Variants in HS3ST4 observed in about 807,000 individuals in gnomAD.
HS3ST4 encodes heparan sulfate glucosamine 3-O-sulfotransferase 4.
A neutral mutation model predicts 29.2 loss-of-function variants in HS3ST4; 17 were observed. The ratio of observed to expected loss-of-function variants is 0.58; its 90% confidence interval spans 0.40 to 0.87. The LOEUF (loss-of-function observed/expected upper bound fraction) is 0.87, where lower values mean the gene tolerates loss of function less well. Ranked by LOEUF, HS3ST4 falls within the 40% of genes least tolerant of loss-of-function variation. The pLI is 0.00. For missense variants in HS3ST4, 627 were observed against 634.5 expected (o/e 0.99, Z 0.13); for synonymous variants, 314 against 285.7 (o/e 1.10, Z -1.00).
chr16:26,010,891 A>G (rs927954488), intron 1 of HS3ST4, among the ~76,000 whole-genome samples: 3 of 152,196 alleles, frequency 2.0e-5, no homozygotes, highest in Non-Finnish European at 2.9e-5. Context: ...ATATGAAACA[A>G]TTATCTTAAT....
At position 25,969,368 on chromosome 16, in the gene HS3ST4, G is replaced by A. The variant is rs143522581; in HGVS notation, c.735-166244G>A. Among the ~76,000 whole-genome samples the A allele has an allele frequency of 5.1e-4, 77 of 152,336 alleles. 1 individual carries two copies. The South Asian group carries it at 0.012, about 23-fold the overall frequency. ...GACAGTTTTCTCAGATCCTGGCCAC[G>A]TTGAGGATTTCAGCTTAACTGATTC... On this transcript the variant is annotated intron_variant, in intron 1 of 1. Transcript: ENST00000331351.
chr16:25,909,662 T>G (rs973804534), intron 1 of HS3ST4, among the ~76,000 whole-genome samples: 7 of 152,188 alleles, frequency 4.6e-5, no homozygotes, highest in African/African-American at 1.7e-4. Flanking sequence ...TTAACTGAGA[T>G]CCAGCGGGTT....
chr16:25,697,105 A>T (rs2141578779), intron 1 of HS3ST4, among the ~76,000 whole-genome samples: 1 of 152,322 alleles, frequency 6.6e-6, no homozygotes, highest in Admixed American at 6.5e-5. Context: ...GTGTTCATTC[A>T]TTCATTCATT....
At chr16:26,006,452 G>A (rs1969259820) in intron 1 of HS3ST4, among the ~76,000 whole-genome samples, 1 of 152,018 alleles carries the variant, frequency 6.6e-6, no homozygotes, top group Non-Finnish European at 1.5e-5. Flanking sequence ...CCCAGATAGA[G>A]CCAATTTATC....
At chr16:26,050,062 C>T in intron 1 of HS3ST4, among the ~76,000 whole-genome samples, 1 of 152,228 alleles carries the variant, frequency 6.6e-6, no homozygotes, top group Middle Eastern at 3.4e-3. Flanking sequence ...AACCATTGTC[C>T]ATTGGTGATC....
intron 1 of HS3ST4, among the ~76,000 whole-genome samples, chr16:25,728,504 C>A (rs1355538569): frequency 6.6e-6 from 1 of 152,194 alleles, no homozygotes; most frequent in African/African-American, 2.4e-5. Flanking sequence ...AGCCTGACGG[C>A]AGACCCTTCA....
chr16:26,117,974 A>G (rs1015453590), intron 1 of HS3ST4, among the ~76,000 whole-genome samples: 1 of 152,242 alleles, frequency 6.6e-6, no homozygotes, highest in African/African-American at 2.4e-5. Context: ...GACCAGTGCC[A>G]CAGAGTGTGC....
intron 1 of HS3ST4, among the ~76,000 whole-genome samples, chr16:25,873,071 T>C (rs1180299523): frequency 6.6e-6 from 1 of 152,150 alleles, no homozygotes; most frequent in African/African-American, 2.4e-5. Context: ...GCTGTGCACC[T>C]AGATTTGGCT....
At chr16:25,779,076 A>G (rs997079983) in intron 1 of HS3ST4, among the ~76,000 whole-genome samples, 5 of 152,118 alleles carry the variant, frequency 3.3e-5, no homozygotes, top group Non-Finnish European at 7.4e-5. Flanking sequence ...GCTGTGATTG[A>G]CCTGACTAAT....
At chr16:26,038,840 C>T (rs1434237624) in intron 1 of HS3ST4, among the ~76,000 whole-genome samples, 6 of 152,058 alleles carry the variant, frequency 3.9e-5, no homozygotes, top group African/African-American at 1.2e-4. Flanking sequence ...TCTGCCACCA[C>T]GCCCGGCTAA....
In HS3ST4 at chr16:25,692,963, GA is replaced by G; in HGVS notation, c.547del (p.Arg183GlyfsTer46). 1 of 1,610,812 alleles carries G rather than the reference GA, an allele frequency of 6.2e-7. No individual in the cohort carries two copies. The highest frequency in any genetic ancestry group is 8.5e-7 in the Non-Finnish European group (1 of 1,179,148). ...GRRAANGSSE[R>X]GGAVSTPDYG... ...GGAGAGCGGCCAACGGGAGCAGCGAGAGGGGCGGCGCCGTCAGCACCCCCGA... is the reference window on the plus strand; with the variant it reads ...GGAGAGCGGCCAACGGGAGCAGCGAGGGGGCGGCGCCGTCAGCACCCCCGA... On this transcript the variant is annotated frameshift_variant, in exon 1 of 2. Transcript: ENST00000331351. LOFTEE classifies it high-confidence loss of function.
intron 1 of HS3ST4, among the ~76,000 whole-genome samples, chr16:25,881,498 G>A (rs569219422): frequency 6.6e-6 from 1 of 152,292 alleles, no homozygotes; most frequent in South Asian, 2.1e-4. Flanking sequence ...GCAGTAAAGG[G>A]CACCTGGATG....
chr16:26,035,533 G>T (rs1032702247), intron 1 of HS3ST4, among the ~76,000 whole-genome samples: 1 of 152,208 alleles, frequency 6.6e-6, no homozygotes, highest in Non-Finnish European at 1.5e-5. Flanking sequence ...TTTGCACAAA[G>T]CACAAACTTA....
intron 1 of HS3ST4, among the ~76,000 whole-genome samples, chr16:25,815,303 A>C (rs944627935): frequency 5.9e-5 from 9 of 152,084 alleles, no homozygotes; most frequent in Admixed American, 6.6e-5. Flanking sequence ...GGCCCTCTAT[A>C]TACAATTTTG....
At chr16:26,023,730 G>A (rs1363770986) in intron 1 of HS3ST4, among the ~76,000 whole-genome samples, 3 of 152,080 alleles carry the variant, frequency 2.0e-5, no homozygotes, top group African/African-American at 7.2e-5. Flanking sequence ...GCATAAAGGA[G>A]CTCTCCTACC....
At chr16:25,876,133 T>G (rs1396024395) in intron 1 of HS3ST4, among the ~76,000 whole-genome samples, 1 of 152,134 alleles carries the variant, frequency 6.6e-6, no homozygotes, top group Non-Finnish European at 1.5e-5. Flanking sequence ...TTCCCACTCA[T>G]CAACTGCACT....
chr16:25,987,943 G>A (rs762324153), intron 1 of HS3ST4, among the ~76,000 whole-genome samples: 1 of 152,006 alleles, frequency 6.6e-6, no homozygotes, highest in Non-Finnish European at 1.5e-5. Flanking sequence ...GCTAATTTTT[G>A]CACTTTTAAT....
intron 1 of HS3ST4, among the ~76,000 whole-genome samples, chr16:25,712,487 C>G (rs1966422483): frequency 6.6e-6 from 1 of 152,100 alleles, no homozygotes; most frequent in African/African-American, 2.4e-5. Context: ...TGCCACTGCA[C>G]TCCAGCCTGG....
intron 1 of HS3ST4, among the ~76,000 whole-genome samples, chr16:25,841,370 G>T (rs1967411730): frequency 6.6e-6 from 1 of 152,044 alleles, no homozygotes; most frequent in African/African-American, 2.4e-5. Flanking sequence ...CGTGATCATG[G>T]CTCATTGCAG....
Sources: gnomAD v4.1 joint callset for allele counts (sites outside exome capture counted in the v4.1 genomes callset) on GRCh38, gnomAD v4.1.1 for gene constraint, MANE v1.5 for transcripts, NCBI Gene and HGNC (gene_info 2026-07-23, HGNC 2026-07-21) for gene names.